Variants in KYAT1 observed in about 807,000 individuals in gnomAD.
The protein encoded by KYAT1 is kynurenine aminotransferase 1.
KYAT1 carries 47 observed loss-of-function variants against 52.4 expected under a neutral mutation model. That is an observed-to-expected ratio of 0.90 (90% CI 0.71 to 1.14). KYAT1 has a LOEUF of 1.14. Among genes scored for constraint, KYAT1 ranks in the 50% most tolerant of loss-of-function variants. The probability of loss-of-function intolerance (pLI) is 0.00; values close to 1 mark genes in which losing one functional copy is unlikely to be tolerated. For missense variants in KYAT1, 480 were observed against 557.9 expected (o/e 0.86, Z 1.41); for synonymous variants, 212 against 209.6 (o/e 1.01, Z -0.10).
chr9:128,880,720 G>A (rs1046315373), intron 1 of KYAT1, among the ~76,000 whole-genome samples: 2 of 151,908 alleles, frequency 1.3e-5, no homozygotes, highest in Non-Finnish European at 2.9e-5. Flanking sequence ...GGGATTACAG[G>A]TGTGAACCAC....
chr9:128,878,638 C>T (rs147498772), intron 1 of KYAT1, among the ~76,000 whole-genome samples: 8 of 152,214 alleles, frequency 5.3e-5, no homozygotes, highest in Non-Finnish European at 8.8e-5. Flanking sequence ...CTAACAATTG[C>T]GTCACTCAGA....
At chr9:128,847,749 A>G (rs1296083246) in intron 1 of KYAT1, 4 of 500,148 alleles carry the variant, frequency 8.0e-6, no homozygotes, top group East Asian at 3.2e-5. Context: ...CTCCGTCCTT[A>G]TAAGAACCCT....
Position 128,855,446 on chromosome 9 carries a change from A to G in KYAT1, c.-6-10035T>C, listed in dbSNP as rs377452932. On this transcript the variant is annotated intron_variant, in intron 1 of 12. Transcript: ENST00000302586. ...GCTTACTGTGGCCTCGCACCACATT[A>G]GAATTTGGTCTGGAAATCAAGTTAT... Among the ~76,000 whole-genome samples, 9 of 152,386 alleles carry G rather than the reference A, an allele frequency of 5.9e-5. 1 individual carries two copies. The South Asian group carries it at 1.0e-3, about 18-fold the overall frequency.
chr9:128,849,883 C>CTTTTTTTTTTTT (rs537211110), intron 1 of KYAT1, among the ~76,000 whole-genome samples: 1 of 91,962 alleles, frequency 1.1e-5, no homozygotes, highest in Non-Finnish European at 1.9e-5. Flanking sequence ...TTATTTTCTT[C>CTTTTTTTTTTTT]TTTTTTTTTT....
chr9:128,881,134 G>C (rs1838810663), intron 1 of KYAT1, among the ~76,000 whole-genome samples: 1 of 152,150 alleles, frequency 6.6e-6, no homozygotes. Context: ...AGGCTGGAGT[G>C]CAGCGGCGCG....
At chr9:128,873,838 C>T (rs1468280378) in intron 1 of KYAT1, among the ~76,000 whole-genome samples, 7 of 149,936 alleles carry the variant, frequency 4.7e-5, no homozygotes, top group East Asian at 2.0e-4. Context: ...CCCAGCTACA[C>T]GGAAGGCTGA....
intron 1 of KYAT1, chr9:128,846,621 AAAAAG>A (rs1833143335): frequency 7.6e-6 from 8 of 1,056,902 alleles, no homozygotes; most frequent in East Asian, 2.8e-5. Context: ...AAAAAAAAAA[AAAAAG>A]AAAGAAAGAA....
At chr9:128,874,161 C>T (rs1247328965) in intron 1 of KYAT1, among the ~76,000 whole-genome samples, 7 of 151,108 alleles carry the variant, frequency 4.6e-5, no homozygotes, top group Admixed American at 1.3e-4. Context: ...GAGGCTGAGA[C>T]GGGAGAATCG....
chr9:128,842,859 G>A (rs767848849), intron 2 of KYAT1, 58 bp from the exon 3 acceptor site: 37 of 1,550,912 alleles, frequency 2.4e-5, no homozygotes, highest in Admixed American at 1.1e-4. Context: ...CCTGGACTTC[G>A]GCCTGTTTAG....
intron 1 of KYAT1, among the ~76,000 whole-genome samples, chr9:128,862,629 G>A (rs1025062869): frequency 3.3e-5 from 5 of 152,240 alleles, no homozygotes; most frequent in Non-Finnish European, 5.9e-5. Flanking sequence ...GGTGCCTTCT[G>A]TGTGTCCAGA....
rs568891585 is a variant in KYAT1, at chr9:128,836,086, G to A, written c.689-13C>T. The A allele has an allele frequency of 1.4e-5, 22 of 1,612,888 alleles. No individual in the cohort carries two copies. Among genetic ancestry groups the A allele is most frequent in the Admixed American group, 5.0e-5 (3 of 59,964 alleles). The stretch of plus-strand genomic sequence containing the variant: ...CCAGGGAGGCTGGCTGCCCAAGGCC[G>A]AACAGAACAGCTGCTGAGACTGGGG... On this transcript the variant is annotated splice_polypyrimidine_tract_variant and intron_variant, in intron 7 of 12. Transcript: ENST00000302586.
intron 2 of KYAT1, among the ~76,000 whole-genome samples, chr9:128,844,722 G>A (rs946385938): frequency 6.6e-6 from 1 of 151,600 alleles, no homozygotes; most frequent in African/African-American, 2.4e-5. Flanking sequence ...AAAATTAGCT[G>A]GGCGTTGTGT....
chr9:128,874,270 G>T lies in KYAT1; in HGVS notation c.-7+7627C>A, dbSNP rs112913829. Among the ~76,000 whole-genome samples the T allele has an allele frequency of 4.6e-3, 683 of 148,826 alleles. 6 individuals are homozygous for T. The highest frequency in any genetic ancestry group is 0.016 in the African/African-American group (652 of 40,700). ...AAACTTCATTCCAAAAAAAAAAAAA[G>T]AATATTCTGAACTGAACAGTGCTGC... On this transcript the variant is annotated intron_variant, in intron 1 of 12. Transcript: ENST00000302586.
chr9:128,838,639 G>C (rs1326959443), intron 3 of KYAT1, among the ~76,000 whole-genome samples: 1 of 152,188 alleles, frequency 6.6e-6, no homozygotes, highest in Non-Finnish European at 1.5e-5. Context: ...GGAGGTAAAG[G>C]TCACACAATC....
At chr9:128,851,959 G>A (rs1472456414) in intron 1 of KYAT1, among the ~76,000 whole-genome samples, 2 of 152,138 alleles carry the variant, frequency 1.3e-5, no homozygotes, top group Non-Finnish European at 2.9e-5. Flanking sequence ...CCTGAAACTA[G>A]GCACACTGCG....
chr9:128,858,822 A>G (rs1334340802), intron 1 of KYAT1, among the ~76,000 whole-genome samples: 9 of 151,856 alleles, frequency 5.9e-5, no homozygotes, highest in African/African-American at 2.2e-4. Flanking sequence ...AGACTGGCCA[A>G]CACGGTGAAA....
chr9:128,840,078 A>G (rs947991238), intron 3 of KYAT1, among the ~76,000 whole-genome samples: 1 of 152,160 alleles, frequency 6.6e-6, no homozygotes, highest in Non-Finnish European at 1.5e-5. Context: ...AAATAAAAAT[A>G]AAAGGCACCA....
rs766284514 is a variant in KYAT1, at chr9:128,837,730, G to A, written c.522C>T (p.Arg174=). The A allele has an allele frequency of 6.8e-6, 11 of 1,614,012 alleles. No individual in the cohort carries two copies. The Admixed American group carries it at 1.3e-4, about 20-fold the overall frequency. ...GGGTGTTGAGGACCAGGGCTTTGGTGCGTGATGTGAATTTGCCGGCCAGCT... is the reference window on the plus strand; with the variant it reads ...GGGTGTTGAGGACCAGGGCTTTGGTACGTGATGTGAATTTGCCGGCCAGCT... ...PMELAGKFTS[R]TKALVLNTPN... Residue 174 remains arginine (R), a synonymous_variant, in exon 6 of 13, where the codon CGC becomes CGT. Coordinates refer to ENST00000302586, the MANE Select transcript of KYAT1 (RefSeq NM_004059.5).
intron 3 of KYAT1, chr9:128,842,066 C>T (rs1375232065): frequency 2.3e-5 from 7 of 299,572 alleles, no homozygotes; most frequent in Non-Finnish European, 4.1e-5. Context: ...GTGATGCACA[C>T]CTGTAGTCCC....
Sources: gnomAD v4.1 joint callset for allele counts (sites outside exome capture counted in the v4.1 genomes callset) on GRCh38, gnomAD v4.1.1 for gene constraint, MANE v1.5 for transcripts, NCBI Gene and HGNC (gene_info 2026-07-23, HGNC 2026-07-21) for gene names.